PKNOX2: variants seen among roughly 807,000 people sequenced by gnomAD.
PKNOX2 encodes the protein homeobox protein PKNOX2.
PKNOX2 carries 14 observed loss-of-function variants against 53.1 expected under a neutral mutation model. That is an observed-to-expected ratio of 0.26 (90% CI 0.17 to 0.41). The LOEUF (loss-of-function observed/expected upper bound fraction) is 0.41, where lower values mean the gene tolerates loss of function less well. PKNOX2 is among the 10% of genes least tolerant of loss of function. The pLI, the probability that PKNOX2 is intolerant of heterozygous loss-of-function variation, is 1.00. For missense variants in PKNOX2, 496 were observed against 602.8 expected, an observed-to-expected ratio of 0.82 and a Z score of 1.85; for synonymous variants, 257 against 242.8, an observed-to-expected ratio of 1.06 and a Z score of -0.54.
chr11:125,178,523 GAAGA>G (rs1468073327), intron 1 of PKNOX2, among the ~76,000 whole-genome samples: 1 of 128,946 alleles, frequency 7.8e-6, no homozygotes, highest in Non-Finnish European at 1.6e-5. Flanking sequence ...AAAAAAAAAA[GAAGA>G]AAGAAAGAAA....
chr11:125,347,100 G>A (rs1038304028), intron 3 of PKNOX2, among the ~76,000 whole-genome samples: 8 of 152,216 alleles, frequency 5.3e-5, no homozygotes, highest in Non-Finnish European at 1.0e-4. Flanking sequence ...AGGACTGTCA[G>A]AGTCCAGGAG....
intron 10 of PKNOX2, among the ~76,000 whole-genome samples, chr11:125,420,799 G>C (rs1011019923): frequency 6.6e-6 from 1 of 152,096 alleles, no homozygotes; most frequent in African/African-American, 2.4e-5. Context: ...CAGAACCCAG[G>C]GGCTTCTGAG....
At chr11:125,187,664 C>CT (rs200048406) in intron 1 of PKNOX2, among the ~76,000 whole-genome samples, 10,766 of 146,458 alleles carry the variant, frequency 0.074, 821 homozygotes, top group African/African-American at 0.2. Context: ...CCTTTTATTT[C>CT]TTTTTTTTTT....
intron 1 of PKNOX2, among the ~76,000 whole-genome samples, chr11:125,195,557 T>C (rs545487759): frequency 6.6e-6 from 1 of 152,078 alleles, no homozygotes; most frequent in South Asian, 2.1e-4. Context: ...AGAGCTGTTC[T>C]GAAGAACCGA....
intron 10 of PKNOX2, among the ~76,000 whole-genome samples, chr11:125,415,957 C>T (rs1393630369): frequency 6.6e-6 from 1 of 152,124 alleles, no homozygotes; most frequent in Admixed American, 6.5e-5. Context: ...AGTCATCTTC[C>T]TTGCATAAAC....
At chr11:125,330,784 C>G (rs1211504481) in intron 2 of PKNOX2, among the ~76,000 whole-genome samples, 1 of 151,116 alleles carries the variant, frequency 6.6e-6, no homozygotes, top group Non-Finnish European at 1.5e-5. Context: ...CCCCTTGCAG[C>G]TCCCGGCCTG....
At chr11:125,394,143 C>T (rs914211601) in intron 6 of PKNOX2, among the ~76,000 whole-genome samples, 2 of 152,190 alleles carry the variant, frequency 1.3e-5, no homozygotes, top group African/African-American at 2.4e-5. Context: ...GTATTATTAA[C>T]AATCCAGCAA....
chr11:125,361,575 A>AAT (rs1351842246), intron 4 of PKNOX2, among the ~76,000 whole-genome samples: 3 of 152,050 alleles, frequency 2.0e-5, no homozygotes, highest in African/African-American at 7.3e-5. Context: ...TATTTATCTT[A>AAT]TTATACTTTA....
chr11:125,176,136 T>G (rs574871565), intron 1 of PKNOX2, among the ~76,000 whole-genome samples: 1 of 152,200 alleles, frequency 6.6e-6, no homozygotes, highest in African/African-American at 2.4e-5. Flanking sequence ...AATTCAAGCT[T>G]AGAGTCAACC....
chr11:125,181,490 T>C (rs1956155400), intron 1 of PKNOX2, among the ~76,000 whole-genome samples: 1 of 141,796 alleles, frequency 7.1e-6, no homozygotes, highest in Non-Finnish European at 1.6e-5. Context: ...GAACAGTGGT[T>C]AGGAGTGTCC....
chr11:125,262,997 C>T (rs566457641), intron 2 of PKNOX2, among the ~76,000 whole-genome samples: 1 of 152,284 alleles, frequency 6.6e-6, no homozygotes, highest in Non-Finnish European at 1.5e-5. Flanking sequence ...GCTGTCTGCA[C>T]GGGGCAGTCT....
intron 5 of PKNOX2, among the ~76,000 whole-genome samples, chr11:125,377,205 G>T (rs1013077481): frequency 6.6e-6 from 1 of 152,212 alleles, no homozygotes; most frequent in African/African-American, 2.4e-5. Flanking sequence ...GGGAGGTGTT[G>T]TCCTTAATGA....
intron 10 of PKNOX2, among the ~76,000 whole-genome samples, chr11:125,416,430 C>T (rs2135587060): frequency 6.6e-6 from 1 of 151,572 alleles, no homozygotes; most frequent in Non-Finnish European, 1.5e-5. Context: ...CTCATCTGAT[C>T]CTAACTATTC....
intron 2 of PKNOX2, among the ~76,000 whole-genome samples, chr11:125,277,849 A>G (rs2135828403): frequency 6.6e-6 from 1 of 152,354 alleles, no homozygotes; most frequent in African/African-American, 2.4e-5. Context: ...TGATCATTTC[A>G]CATTGTGTAT....
At chr11:125,181,928 T>G (rs1429007054) in intron 1 of PKNOX2, among the ~76,000 whole-genome samples, 1 of 152,068 alleles carries the variant, frequency 6.6e-6, no homozygotes, top group Non-Finnish European at 1.5e-5. Flanking sequence ...CTCCCGAAAT[T>G]CCCAGTTCAA....
chr11:125,367,450 C>G (rs999241584), intron 4 of PKNOX2, among the ~76,000 whole-genome samples: 1 of 152,208 alleles, frequency 6.6e-6, no homozygotes, highest in Non-Finnish European at 1.5e-5. Flanking sequence ...TGATTCAGCT[C>G]CTGTTTTCCT....
At chr11:125,420,228 T>TTA (rs1555174296) in intron 10 of PKNOX2, among the ~76,000 whole-genome samples, 7 of 145,596 alleles carry the variant, frequency 4.8e-5, no homozygotes, top group African/African-American at 1.5e-4. Context: ...GTTTTTTATT[T>TTA]AAAAAAAAAA....
At chr11:125,191,200 T>A (rs1194388225) in intron 1 of PKNOX2, 1 of 152,132 alleles carries the variant, frequency 6.6e-6, no homozygotes, top group Non-Finnish European at 1.5e-5. Context: ...AGACAAGAAG[T>A]CAAGAGACTT....
intron 2 of PKNOX2, among the ~76,000 whole-genome samples, chr11:125,257,676 A>T (rs1262929483): frequency 6.6e-6 from 1 of 152,206 alleles, no homozygotes; most frequent in African/African-American, 2.4e-5. Context: ...GACGTTTTAG[A>T]ACAGTGTCCA....
Sources: allele counts gnomAD v4.1 joint callset (sites outside exome capture counted in the v4.1 genomes callset), GRCh38; gene constraint gnomAD v4.1.1; transcripts MANE v1.5; gene names NCBI Gene and HGNC (gene_info 2026-07-23, HGNC 2026-07-21).